CNTNAP2: variants seen among roughly 807,000 people sequenced by gnomAD.
CNTNAP2 encodes the protein contactin associated protein 2.
A neutral mutation model predicts 155.2 loss-of-function variants in CNTNAP2; 98 were observed. The ratio of observed to expected loss-of-function variants is 0.63; its 90% confidence interval spans 0.54 to 0.75. The LOEUF (loss-of-function observed/expected upper bound fraction) is 0.75. CNTNAP2 is among the 30% of genes least tolerant of loss of function. CNTNAP2 has a pLI of 0.00. For missense variants in CNTNAP2, 1,727 were observed against 1,688.1 expected (o/e 1.02, Z -0.40); for synonymous variants, 651 against 631.2 (o/e 1.03, Z -0.47).
chr7:148,155,673 T>C (rs1461312115), intron 17 of CNTNAP2, among the ~76,000 whole-genome samples: 1 of 152,208 alleles, frequency 6.6e-6, no homozygotes, highest in Non-Finnish European at 1.5e-5. Flanking sequence ...AACAGCTTTT[T>C]AAAAAATTTA....
At chr7:147,994,097 C>T (rs1477071977) in intron 15 of CNTNAP2, among the ~76,000 whole-genome samples, 1 of 152,140 alleles carries the variant, frequency 6.6e-6, no homozygotes, top group Non-Finnish European at 1.5e-5. Flanking sequence ...AGGCTGGGTG[C>T]ATTGGCTCAC....
At chr7:147,933,671 C>A (rs1782698785) in intron 14 of CNTNAP2, among the ~76,000 whole-genome samples, 1 of 152,080 alleles carries the variant, frequency 6.6e-6, no homozygotes, top group African/African-American at 2.4e-5. Context: ...TCGGGACCAG[C>A]CTGACCAACA....
intron 1 of CNTNAP2, among the ~76,000 whole-genome samples, chr7:146,720,977 A>T (rs1410329585): frequency 0.067 from 7,029 of 104,260 alleles, 663 homozygotes; most frequent in African/African-American, 0.29. Flanking sequence ...ATATATATAG[A>T]CTATATATAC....
intron 21 of CNTNAP2, among the ~76,000 whole-genome samples, chr7:148,268,571 CGT>C: frequency 6.6e-6 from 1 of 151,954 alleles, no homozygotes; most frequent in Admixed American, 6.6e-5. Context: ...AGGAGAATGG[CGT>C]GAACCCGGGA....
At chr7:148,177,699 T>C (rs185922976) in intron 18 of CNTNAP2, among the ~76,000 whole-genome samples, 29 of 152,270 alleles carry the variant, frequency 1.9e-4, no homozygotes, top group Non-Finnish European at 1.9e-4. Context: ...AAGAAGGAGA[T>C]GGTTGTAGTA....
chr7:146,589,341 A>G (rs1798746103), intron 1 of CNTNAP2, among the ~76,000 whole-genome samples: 1 of 152,198 alleles, frequency 6.6e-6, no homozygotes, highest in Non-Finnish European at 1.5e-5. Flanking sequence ...AAAGACTTGG[A>G]ACCAACCCAA....
chr7:148,153,292 A>G (rs1266805287), intron 17 of CNTNAP2, among the ~76,000 whole-genome samples: 1 of 151,960 alleles, frequency 6.6e-6, no homozygotes, highest in Non-Finnish European at 1.5e-5. Context: ...CATCTAAAAT[A>G]TAATTAGAAG....
chr7:148,325,322 A>C (rs1019845295), intron 21 of CNTNAP2, among the ~76,000 whole-genome samples: 4 of 152,226 alleles, frequency 2.6e-5, no homozygotes, highest in African/African-American at 9.6e-5. Flanking sequence ...ATAAAGACCT[A>C]TCCTTGTGTG....
intron 1 of CNTNAP2, among the ~76,000 whole-genome samples, chr7:146,337,974 A>G (rs373251637): frequency 6.6e-5 from 10 of 152,204 alleles, no homozygotes; most frequent in African/African-American, 2.2e-4. Context: ...CAAAATAGTG[A>G]GATATTTCCA....
chr7:148,112,418 T>G (rs10262430), intron 15 of CNTNAP2, among the ~76,000 whole-genome samples: 1,528 of 94,980 alleles, frequency 0.016, 26 homozygotes, highest in African/African-American at 0.066. Flanking sequence ...AATTTTAGTA[T>G]TATTATTATT....
At chr7:147,790,586 A>C (rs1308858845) in intron 13 of CNTNAP2, among the ~76,000 whole-genome samples, 1 of 152,208 alleles carries the variant, frequency 6.6e-6, no homozygotes, top group Non-Finnish European at 1.5e-5. Context: ...TGTTATAATT[A>C]ATGTTACTTT....
At chr7:146,598,353 G>A (rs568166396) in intron 1 of CNTNAP2, among the ~76,000 whole-genome samples, 11 of 152,138 alleles carry the variant, frequency 7.2e-5, no homozygotes, top group African/African-American at 2.2e-4. Flanking sequence ...GATCTGACAG[G>A]CTAGTTGAGT....
intron 1 of CNTNAP2, among the ~76,000 whole-genome samples, chr7:146,449,950 A>G (rs1796454249): frequency 6.6e-6 from 1 of 152,170 alleles, no homozygotes; most frequent in African/African-American, 2.4e-5. Flanking sequence ...GAGCACTGAC[A>G]TCCAATCTGC....
At chr7:146,666,228 TTGAG>T (rs1225535142) in intron 1 of CNTNAP2, among the ~76,000 whole-genome samples, 1 of 152,130 alleles carries the variant, frequency 6.6e-6, no homozygotes, top group Non-Finnish European at 1.5e-5. Context: ...GCATCCATAT[TTGAG>T]TGAGAATATG....
intron 13 of CNTNAP2, among the ~76,000 whole-genome samples, chr7:147,764,872 A>C (rs1797360070): frequency 6.6e-6 from 1 of 152,218 alleles, no homozygotes; most frequent in Admixed American, 6.5e-5. Flanking sequence ...TGTAGTTCAC[A>C]AACACTAAGG....
intron 1 of CNTNAP2, among the ~76,000 whole-genome samples, chr7:146,127,954 A>G (rs1453913515): frequency 6.6e-6 from 1 of 152,194 alleles, no homozygotes; most frequent in African/African-American, 2.4e-5. Context: ...ATAAGTATAA[A>G]AATAGTTACT....
chr7:146,516,549 A>G (rs1389527228), intron 1 of CNTNAP2, among the ~76,000 whole-genome samples: 2 of 152,010 alleles, frequency 1.3e-5, no homozygotes, highest in Non-Finnish European at 2.9e-5. Context: ...GTTATGTAGC[A>G]AGTGAGTTCA....
chr7:148,004,285 CT>C (rs1801939738), intron 15 of CNTNAP2, among the ~76,000 whole-genome samples: 1 of 152,032 alleles, frequency 6.6e-6, no homozygotes, highest in Admixed American at 6.6e-5. Flanking sequence ...ATTAAGCCTT[CT>C]ATTTTTTAAA....
At position 147,791,453 on chromosome 7, in the gene CNTNAP2, CTTT is replaced by C. The variant is rs35344971; in HGVS notation, c.2099-112097_2099-112095del. ...CCTTCTGTTTGCTGTCTCTCTCTCT[CTTT>C]TTTTTTTTTTTTTTCATTTAGGTAG... On this transcript the variant is annotated intron_variant, in intron 13 of 23. Coordinates refer to ENST00000361727, the MANE Select transcript of CNTNAP2 (RefSeq NM_014141.6). Among the ~76,000 whole-genome samples, 13 of 123,426 alleles carry C rather than the reference CTTT, an allele frequency of 1.1e-4. No individual in the cohort carries two copies. In the South Asian group the frequency reaches 1.3e-3, roughly 12 times the overall value. 81.0% of individuals were successfully genotyped at this position (123,426 alleles called of 152,430 possible). A position where few individuals can be genotyped will look rare whatever the true frequency, so the allele number is the denominator to read the frequency against.
Sources: gnomAD v4.1 joint callset for allele counts (sites outside exome capture counted in the v4.1 genomes callset) on GRCh38, gnomAD v4.1.1 for gene constraint, MANE v1.5 for transcripts, NCBI Gene and HGNC (gene_info 2026-07-23, HGNC 2026-07-21) for gene names.